Variants in RGS7 observed in about 807,000 individuals in gnomAD.
The protein encoded by RGS7 is regulator of G-protein signaling 7.
RGS7 carries 27 observed loss-of-function variants against 81.1 expected under a neutral mutation model. The observed-to-expected ratio is 0.33, with a 90% CI of 0.25 to 0.46. The LOEUF (loss-of-function observed/expected upper bound fraction) is 0.46, where lower values mean the gene tolerates loss of function less well. Among genes scored for constraint, RGS7 ranks in the 20% least tolerant of loss-of-function variants. The pLI, the probability that RGS7 is intolerant of heterozygous loss-of-function variation, is 1.00. For synonymous variants in RGS7, 208 were observed against 207.7 expected (o/e 1.00, Z -0.01); for missense variants, 396 against 607.4 (o/e 0.65, Z 3.66).
At chr1:240,848,644 T>TTA (rs397800816) in intron 9 of RGS7, among the ~76,000 whole-genome samples, 4 of 151,218 alleles carry the variant, frequency 2.6e-5, no homozygotes, top group Non-Finnish European at 5.9e-5. Flanking sequence ...TTTTTTTTTT[T>TTA]AAGAAAGAAA....
intron 2 of RGS7, among the ~76,000 whole-genome samples, chr1:241,346,150 T>TAAA (rs11459171): frequency 8.2e-4 from 125 of 151,782 alleles, no homozygotes; most frequent in Admixed American, 1.5e-3. Flanking sequence ...TAAAATTTGA[T>TAAA]AAAAAAAACT....
chr1:240,984,394 T>C (rs1358151175), intron 3 of RGS7, among the ~76,000 whole-genome samples: 2 of 152,114 alleles, frequency 1.3e-5, no homozygotes, highest in Non-Finnish European at 2.9e-5. Context: ...CTTAAAAAAT[T>C]ACAGACTTCT....
At chr1:241,136,196 T>A (rs2067503740) in intron 2 of RGS7, among the ~76,000 whole-genome samples, 1 of 152,146 alleles carries the variant, frequency 6.6e-6, no homozygotes, top group Non-Finnish European at 1.5e-5. Flanking sequence ...TAAGTTTTGT[T>A]CAATTAAAAA....
At chr1:240,925,930 G>T (rs1446181755) in intron 6 of RGS7, among the ~76,000 whole-genome samples, 1 of 151,982 alleles carries the variant, frequency 6.6e-6, no homozygotes, top group Non-Finnish European at 1.5e-5. Flanking sequence ...GTCTTTTTTT[G>T]AGAAGTGTCT....
intron 3 of RGS7, among the ~76,000 whole-genome samples, chr1:241,003,460 CAAAAAAAA>C (rs554768415): frequency 2.4e-5 from 2 of 83,322 alleles, no homozygotes; most frequent in South Asian, 4.6e-4. Context: ...GACTCCGTCT[CAAAAAAAA>C]AAAAAAAAAA....
chr1:241,353,442 G>A (rs193175292), intron 2 of RGS7, among the ~76,000 whole-genome samples: 4 of 152,128 alleles, frequency 2.6e-5, no homozygotes, highest in African/African-American at 7.2e-5. Flanking sequence ...AAGCAAGGAC[G>A]CTGTGTCTCT....
chr1:240,931,851 T>C (rs1675494102), intron 5 of RGS7, among the ~76,000 whole-genome samples: 1 of 152,184 alleles, frequency 6.6e-6, no homozygotes, highest in African/African-American at 2.4e-5. Context: ...CTAAAAGGAC[T>C]TTCCTAGCCC....
At chr1:240,936,140 A>G (rs1676595223) in intron 5 of RGS7, among the ~76,000 whole-genome samples, 1 of 152,194 alleles carries the variant, frequency 6.6e-6, no homozygotes, top group African/African-American at 2.4e-5. Flanking sequence ...CACACACAAT[A>G]TATCATCATG....
At chr1:241,302,856 AC>A (rs1169573336) in intron 2 of RGS7, among the ~76,000 whole-genome samples, 1 of 147,792 alleles carries the variant, frequency 6.8e-6, no homozygotes, top group Admixed American at 6.8e-5. Context: ...TCTCTAAAAG[AC>A]AGGCATTCTT....
At chr1:241,121,710 C>CT (rs10681773) in intron 2 of RGS7, among the ~76,000 whole-genome samples, 1,585 of 66,324 alleles carry the variant, frequency 0.024, 85 homozygotes, top group Non-Finnish European at 0.031. Flanking sequence ...TGCAATTGTT[C>CT]TTTTTTTTTT....
chr1:241,295,184 C>T (rs916409901), intron 2 of RGS7, among the ~76,000 whole-genome samples: 2 of 152,092 alleles, frequency 1.3e-5, no homozygotes, highest in African/African-American at 2.4e-5. Context: ...TGCGGTGGCT[C>T]ACGCCTGTAA....
intron 18 of RGS7, among the ~76,000 whole-genome samples, chr1:240,779,555 T>G (rs893629314): frequency 2.0e-5 from 3 of 152,140 alleles, no homozygotes; most frequent in African/African-American, 7.2e-5. Context: ...AAGGGGGCCC[T>G]CATCGGACAC....
chr1:240,874,498 T>C (rs1243948839), intron 6 of RGS7, among the ~76,000 whole-genome samples: 1 of 152,240 alleles, frequency 6.6e-6, no homozygotes, highest in Non-Finnish European at 1.5e-5. Context: ...TTTTGAATTT[T>C]ATTGCTGAGA....
intron 2 of RGS7, among the ~76,000 whole-genome samples, chr1:241,208,008 C>A (rs1025282356): frequency 6.6e-6 from 1 of 152,050 alleles, no homozygotes; most frequent in African/African-American, 2.4e-5. Context: ...CAGGTTCAAG[C>A]GATTCTCCTT....
chr1:241,068,257 T>TATATATATATATATATATATATACATAA (rs1433690559), intron 3 of RGS7, among the ~76,000 whole-genome samples: 1 of 73,268 alleles, frequency 1.4e-5, no homozygotes, highest in Non-Finnish European at 2.7e-5. Context: ...TATATATATA[T>TATATATATATATATATATATATACATAA]AAAATATTGT....
At chr1:240,860,447 T>A (rs1290459787) in intron 9 of RGS7, among the ~76,000 whole-genome samples, 2 of 152,180 alleles carry the variant, frequency 1.3e-5, no homozygotes, top group African/African-American at 4.8e-5. Flanking sequence ...TTTTTATCAT[T>A]ATGTAATATT....
intron 9 of RGS7, among the ~76,000 whole-genome samples, chr1:240,866,428 C>G (rs418213): frequency 0.37 from 55,933 of 151,542 alleles, 13,648 homozygotes; most frequent in African/African-American, 0.69. Flanking sequence ...GGAGAATGGC[C>G]TGAACCCGGG....
intron 3 of RGS7, among the ~76,000 whole-genome samples, chr1:241,074,438 C>G (rs1293336063): frequency 6.6e-6 from 1 of 152,110 alleles, no homozygotes; most frequent in Non-Finnish European, 1.5e-5. Flanking sequence ...ACCAGAAACC[C>G]AAGTTAAACT....
chr1:240,863,830 T>C (rs1572476752), intron 9 of RGS7, among the ~76,000 whole-genome samples: 1 of 152,334 alleles, frequency 6.6e-6, no homozygotes, highest in Middle Eastern at 3.4e-3. Flanking sequence ...CAAAAGGACA[T>C]ATGAAAACCA....
Sources: allele counts gnomAD v4.1 joint callset (sites outside exome capture counted in the v4.1 genomes callset), GRCh38; gene constraint gnomAD v4.1.1; transcripts MANE v1.5; gene names NCBI Gene and HGNC (gene_info 2026-07-23, HGNC 2026-07-21).